Variants in CD8B observed in about 807,000 individuals in gnomAD.
CD8B encodes CD8 subunit beta, also known as T-cell surface glycoprotein CD8 beta chain.
Under a neutral mutation model 24.2 loss-of-function variants are expected in CD8B, and 6 were observed. The ratio of observed to expected loss-of-function variants is 0.25; its 90% CI spans 0.14 to 0.49. The LOEUF (loss-of-function observed/expected upper bound fraction) is 0.49, where lower values mean the gene tolerates loss of function less well. CD8B is among the 20% of genes least tolerant of loss of function. The probability of loss-of-function intolerance (pLI) is 0.98; values close to 1 mark genes in which losing one functional copy is unlikely to be tolerated. For missense variants in CD8B, 196 were observed against 271.3 expected (o/e 0.72, Z 1.95); for synonymous variants, 84 against 108.3 (o/e 0.78, Z 1.39).
chr2:86,815,467 C>G, downstream of CD8B: 1 of 665,772 alleles, frequency 1.5e-6, no homozygotes, highest in Admixed American at 2.2e-5. Flanking sequence ...CTCACCAGGG[C>G]AGAACTTGAG....
chr2:86,833,032 T>A (rs977062293), intron 5 of CD8B: 2 of 390,804 alleles, frequency 5.1e-6, no homozygotes, highest in African/African-American at 4.6e-5. Flanking sequence ...CCCTCCACCC[T>A]TCCTCTTGCT....
chr2:86,818,504 A>G (rs1284914114), intron 5 of CD8B, among the ~76,000 whole-genome samples: 5 of 152,084 alleles, frequency 3.3e-5, no homozygotes, highest in Non-Finnish European at 5.9e-5. Context: ...AAACTTTTTC[A>G]TTATTATTGT....
At chr2:86,819,164 A>G (rs953541765) in intron 5 of CD8B, among the ~76,000 whole-genome samples, 3 of 152,238 alleles carry the variant, frequency 2.0e-5, no homozygotes, top group African/African-American at 4.8e-5. Flanking sequence ...GGAAGATACC[A>G]TCTCCTTAAC....
At chr2:86,834,935 C>CA (rs59354571), downstream of CD8B, among the ~76,000 whole-genome samples, 479 of 93,700 alleles carry the variant, frequency 5.1e-3, 5 homozygotes, top group African/African-American at 0.011. Flanking sequence ...AACTCTGTCT[C>CA]AAAAAAAAAA....
intron 2 of CD8B, among the ~76,000 whole-genome samples, chr2:86,854,040 C>T (rs1428950718): frequency 1.4e-5 from 2 of 147,798 alleles, no homozygotes; most frequent in African/African-American, 5.0e-5. Flanking sequence ...CGCACCCGGC[C>T]GACCTACACC....
intron 2 of CD8B, among the ~76,000 whole-genome samples, chr2:86,854,924 C>A (rs1372138171): frequency 6.6e-6 from 1 of 152,180 alleles, no homozygotes; most frequent in African/African-American, 2.4e-5. Context: ...AGTCCAAGAC[C>A]AGCCTGGCCA....
chr2:86,828,910 T>C (rs1674794414), intron 5 of CD8B, among the ~76,000 whole-genome samples: 2 of 150,758 alleles, frequency 1.3e-5, no homozygotes, highest in African/African-American at 4.9e-5. Context: ...ATCTTCTCCA[T>C]ATATACATAC....
At chr2:86,819,157 A>G (rs1674370646) in intron 5 of CD8B, among the ~76,000 whole-genome samples, 1 of 152,236 alleles carries the variant, frequency 6.6e-6, no homozygotes, top group Non-Finnish European at 1.5e-5. Context: ...GTTTAAGGGA[A>G]GATACCATCT....
intron 5 of CD8B, among the ~76,000 whole-genome samples, chr2:86,825,443 A>T (rs1674640382): frequency 1.3e-5 from 2 of 152,084 alleles, no homozygotes; most frequent in African/African-American, 4.8e-5. Flanking sequence ...TGCTCATTTC[A>T]ATCTGACCCC....
chr2:86,858,508 G>A, intron 1 of CD8B, 92 bp from the exon 2 acceptor site: 1 of 1,465,306 alleles, frequency 6.8e-7, no homozygotes, highest in Non-Finnish European at 9.1e-7. Context: ...CAAAGGAAAA[G>A]CCATGGAAGG....
chr2:86,833,962 T>A (rs539298050), downstream of CD8B, among the ~76,000 whole-genome samples: 30 of 152,278 alleles, frequency 2.0e-4, no homozygotes, highest in East Asian at 5.2e-3. Context: ...TCATTCTTTT[T>A]AAGTCATTCT....
At chr2:86,815,482 C>G, downstream of CD8B, 1 of 707,648 alleles carries the variant, frequency 1.4e-6, no homozygotes, top group East Asian at 2.5e-5. Flanking sequence ...CTTGAGCCCC[C>G]TATGACTTGG....
chr2:86,844,065 A>G (rs1292865864), intron 5 of CD8B, among the ~76,000 whole-genome samples: 1 of 152,238 alleles, frequency 6.6e-6, no homozygotes, highest in African/African-American at 2.4e-5. Context: ...GAGGAACAAA[A>G]ATCAAATGCA....
At chr2:86,821,806 A>T (rs928131196) in intron 5 of CD8B, 1 of 378,124 alleles carries the variant, frequency 2.6e-6, no homozygotes, top group Middle Eastern at 3.7e-4. Context: ...TCCTCTCCAA[A>T]GGGAATGTTC....
intron 5 of CD8B, among the ~76,000 whole-genome samples, chr2:86,843,067 T>A (rs988006190): frequency 2.0e-5 from 3 of 152,006 alleles, no homozygotes; most frequent in Non-Finnish European, 2.9e-5. Context: ...CCATGAAAGG[T>A]CATCATGGGA....
chr2:86,838,933 G>T lies in CD8B; in HGVS notation c.*3374C>A, dbSNP rs988736570. Among the ~76,000 whole-genome samples, 1 of 152,228 alleles carries T rather than the reference G, an allele frequency of 6.6e-6. No individual in the cohort carries two copies. Among genetic ancestry groups the T allele is most frequent in the Non-Finnish European group, 1.5e-5 (1 of 68,044 alleles). On this transcript the variant is annotated 3_prime_UTR_variant, in exon 6 of 6. Coordinates refer to ENST00000390655, the MANE Select transcript of CD8B (RefSeq NM_004931.5). Reference sequence around the variant, plus strand: ...AGCTCTAAAGTCAACATATCTGAGTGTACAGCTTGATGACTTTTACTAATG... The same window carrying T: ...AGCTCTAAAGTCAACATATCTGAGTTTACAGCTTGATGACTTTTACTAATG...
At chr2:86,858,971 T>C (rs1305328630) in intron 1 of CD8B, among the ~76,000 whole-genome samples, 5 of 152,060 alleles carry the variant, frequency 3.3e-5, no homozygotes, top group African/African-American at 1.2e-4. Flanking sequence ...AAGTTACTTG[T>C]TCAAAGTCCC....
chr2:86,854,841 C>T (rs1328431999), intron 2 of CD8B, among the ~76,000 whole-genome samples: 4 of 152,026 alleles, frequency 2.6e-5, no homozygotes. Flanking sequence ...AATATTAAGG[C>T]TGGGCGCGGT....
chr2:86,849,006 C>A (rs1675837609), intron 3 of CD8B, among the ~76,000 whole-genome samples: 1 of 151,386 alleles, frequency 6.6e-6, no homozygotes, highest in Non-Finnish European at 1.5e-5. Context: ...TGTGAGCCAC[C>A]GTGCCTGGCT....
Sources: allele counts gnomAD v4.1 joint callset (sites outside exome capture counted in the v4.1 genomes callset), GRCh38; gene constraint gnomAD v4.1.1; transcripts MANE v1.5; gene names NCBI Gene and HGNC (gene_info 2026-07-23, HGNC 2026-07-21).